Variants in TLCD4 observed in about 807,000 individuals in gnomAD.
TLCD4 encodes the protein TLC domain-containing protein 4.
Under a neutral mutation model 24.2 loss-of-function variants are expected in TLCD4, and 7 were observed. The ratio of observed to expected loss-of-function variants is 0.29; its 90% CI spans 0.16 to 0.54. TLCD4 has a LOEUF of 0.54. Among genes scored for constraint, TLCD4 ranks in the 20% least tolerant of loss-of-function variants. TLCD4 has a pLI of 0.95. For missense variants in TLCD4, 259 were observed against 313.9 expected (o/e 0.82, Z 1.32); for synonymous variants, 103 against 106.4 (o/e 0.97, Z 0.20).
the TLCD4 span, among the ~76,000 whole-genome samples, chr1:95,093,230 GC>G: frequency 6.6e-6 from 1 of 152,142 alleles, no homozygotes; most frequent in Admixed American, 6.5e-5. Context: ...CCCAGATGAG[GC>G]TAATCAAGGA....
chr1:95,160,545 T>C (rs1047923197), intron 5 of TLCD4, among the ~76,000 whole-genome samples: 138 of 152,208 alleles, frequency 9.1e-4, no homozygotes, highest in Non-Finnish European at 1.5e-3. Flanking sequence ...AATACTATGT[T>C]GAATAGGAGT....
chr1:95,145,918 T>A (rs1005536726), intron 2 of TLCD4, among the ~76,000 whole-genome samples: 16 of 152,212 alleles, frequency 1.1e-4, no homozygotes, highest in Admixed American at 2.0e-4. Context: ...AGGTATTCAG[T>A]GGTGTTTTCT....
chr1:95,172,244 C>T (rs1678255627), intron 5 of TLCD4, among the ~76,000 whole-genome samples: 1 of 152,188 alleles, frequency 6.6e-6, no homozygotes, highest in Admixed American at 6.5e-5. Context: ...GTGTAAGCAC[C>T]TAAGGAGACT....
chr1:95,179,616 A>G (rs972369484), intron 6 of TLCD4, among the ~76,000 whole-genome samples: 5 of 152,178 alleles, frequency 3.3e-5, no homozygotes, highest in Admixed American at 6.5e-5. Flanking sequence ...ATCTTTCACA[A>G]TAAAGAAATA....
At chr1:95,159,921 G>T (rs1677737374) in intron 5 of TLCD4, among the ~76,000 whole-genome samples, 1 of 152,206 alleles carries the variant, frequency 6.6e-6, no homozygotes, top group South Asian at 2.1e-4. Flanking sequence ...TTGTAGTATA[G>T]TTTGAAGTCA....
the TLCD4 span, among the ~76,000 whole-genome samples, chr1:95,106,940 C>T: frequency 6.6e-6 from 1 of 152,130 alleles, no homozygotes; most frequent in South Asian, 2.1e-4. Flanking sequence ...ATGCTTCTGA[C>T]TTCTCATATA....
At chr1:95,142,377 T>G (rs188903844) in intron 1 of TLCD4, among the ~76,000 whole-genome samples, 264 of 151,582 alleles carry the variant, frequency 1.7e-3, no homozygotes, top group Non-Finnish European at 3.2e-3. Context: ...AGAGCATGTT[T>G]TAAAAGTTAA....
At chr1:95,128,182 T>C (rs1676795580) in intron 1 of TLCD4, among the ~76,000 whole-genome samples, 1 of 152,154 alleles carries the variant, frequency 6.6e-6, no homozygotes, top group African/African-American at 2.4e-5. Context: ...GCCTAGAAAA[T>C]GACCTGAATT....
chr1:95,101,397 C>T, the TLCD4 span, among the ~76,000 whole-genome samples: 3,675 of 145,488 alleles, frequency 0.025, 60 homozygotes, highest in Non-Finnish European at 0.037. Flanking sequence ...TGCCATTGTG[C>T]CTGACTAATT....
At chr1:95,105,705 C>T in the TLCD4 span, among the ~76,000 whole-genome samples, 2 of 151,808 alleles carry the variant, frequency 1.3e-5, no homozygotes, top group East Asian at 3.9e-4. Context: ...ACCATCCTGG[C>T]TAACACGGTG....
intron 1 of TLCD4, among the ~76,000 whole-genome samples, chr1:95,134,433 C>T (rs1376544765): frequency 6.6e-6 from 1 of 152,142 alleles, no homozygotes; most frequent in African/African-American, 2.4e-5. Context: ...CCAAGGCCAT[C>T]TCCTGACTCC....
intron 5 of TLCD4, among the ~76,000 whole-genome samples, chr1:95,155,098 G>A (rs900214263): frequency 2.6e-5 from 4 of 151,756 alleles, no homozygotes; most frequent in Admixed American, 1.3e-4. Flanking sequence ...AGAACAGTCA[G>A]TATTTAGTAC....
chr1:95,164,904 T>C (rs1677960254), intron 5 of TLCD4: 1 of 152,232 alleles, frequency 6.6e-6, no homozygotes, highest in East Asian at 1.9e-4. Flanking sequence ...TTGGAGTTTC[T>C]AATTGCCTTC....
the TLCD4 span, among the ~76,000 whole-genome samples, chr1:95,098,784 G>A: frequency 2.8e-3 from 420 of 152,252 alleles, 1 homozygote; most frequent in Non-Finnish European, 5.0e-3. Context: ...AACGGGATAG[G>A]CTGGGTGCGG....
At chr1:95,130,052 C>T (rs188045575) in intron 1 of TLCD4, among the ~76,000 whole-genome samples, 2 of 152,200 alleles carry the variant, frequency 1.3e-5, no homozygotes, top group Admixed American at 1.3e-4. Flanking sequence ...ACTATAACTG[C>T]AGTTAGCTGA....
At chr1:95,098,083 T>C in the TLCD4 span, among the ~76,000 whole-genome samples, 2 of 152,308 alleles carry the variant, frequency 1.3e-5, no homozygotes, top group South Asian at 4.1e-4. Flanking sequence ...CGATATACAG[T>C]ATCAGATCTA....
rs997799641 is a variant in TLCD4, at chr1:95,145,087, G to A, written c.155+1031G>A. Among the ~76,000 whole-genome samples, 11 of 152,166 alleles carry A rather than the reference G, an allele frequency of 7.2e-5. No homozygotes were observed. In the East Asian group the frequency reaches 1.2e-3, roughly 16 times the overall value. ...AAAATGGCTCTGATGACTTCTTCAC[G>A]TGCTTTAGAGCATTTTATGTCCCCA... On this transcript the variant is annotated intron_variant, in intron 2 of 6. Transcript: ENST00000370203.
intron 1 of TLCD4, among the ~76,000 whole-genome samples, chr1:95,131,065 CAT>C (rs1489483785): frequency 1.3e-5 from 2 of 152,284 alleles, no homozygotes; most frequent in African/African-American, 4.8e-5. Flanking sequence ...TTTTATTTAA[CAT>C]ATTTATTGAG....
At chr1:95,150,377 C>A in intron 4 of TLCD4, 111 bp downstream of exon 4, 4 of 1,364,676 alleles carry the variant, frequency 2.9e-6, no homozygotes, top group South Asian at 1.5e-5. Context: ...ATTTAGGAAG[C>A]ATACAGAGGA....
Sources: allele counts gnomAD v4.1 joint callset (sites outside exome capture counted in the v4.1 genomes callset), GRCh38; gene constraint gnomAD v4.1.1; transcripts MANE v1.5; gene names NCBI Gene and HGNC (gene_info 2026-07-23, HGNC 2026-07-21).